The following ANK2 variants were observed in gnomAD, a reference collection of about 807,000 sequenced individuals.
ANK2 encodes the protein ankyrin-2.
Under a neutral mutation model 360.5 loss-of-function variants are expected in ANK2, and 83 were observed. That is an observed-to-expected ratio of 0.23 (90% CI 0.19 to 0.28). The LOEUF (loss-of-function observed/expected upper bound fraction) is 0.28, where lower values mean the gene tolerates loss of function less well. Among genes scored for constraint, ANK2 ranks in the 10% least tolerant of loss-of-function variants. ANK2 has a pLI of 1.00. For missense variants in ANK2, 4,201 were observed against 4,795.7 expected, an observed-to-expected ratio of 0.88 and a Z score of 3.66; for synonymous variants, 1,740 against 1,759.5, an observed-to-expected ratio of 0.99 and a Z score of 0.28.
At chr4:113,373,251 CA>C (rs1564183564) in intron 44 of ANK2, 33 bp from the exon 45 acceptor site, 1 of 1,613,594 alleles carries the variant, frequency 6.2e-7, no homozygotes, top group Admixed American at 1.7e-5. Context: ...TACTGTCACA[CA>C]AAAATAAGAT....
chr4:113,350,399 C>A, intron 37 of ANK2, 150 bp downstream of exon 37: 1 of 635,610 alleles, frequency 1.6e-6, no homozygotes, highest in South Asian at 2.7e-5. Flanking sequence ...TTTATAAAAG[C>A]AGCTTGGCCA....
At chr4:112,978,652 A>C (rs983755017) in intron 2 of ANK2, among the ~76,000 whole-genome samples, 5 of 152,118 alleles carry the variant, frequency 3.3e-5, no homozygotes, top group African/African-American at 1.2e-4. Context: ...ATGTATCTGA[A>C]TATCCTTCCT....
At chr4:113,261,943 C>T (rs2053151445) in intron 13 of ANK2, among the ~76,000 whole-genome samples, 1 of 152,136 alleles carries the variant, frequency 6.6e-6, no homozygotes, top group Non-Finnish European at 1.5e-5. Context: ...ATCCCAGCTA[C>T]TTGGGAGGCT....
At chr4:113,193,866 T>G (rs2098709605) in intron 2 of ANK2, among the ~76,000 whole-genome samples, 1 of 152,244 alleles carries the variant, frequency 6.6e-6, no homozygotes, top group Non-Finnish European at 1.5e-5. Context: ...CTCCAAAATA[T>G]TTACATTTTC....
intron 1 of ANK2, among the ~76,000 whole-genome samples, chr4:112,888,762 C>T (rs1307837537): frequency 6.6e-6 from 1 of 152,210 alleles, no homozygotes; most frequent in African/African-American, 2.4e-5. Flanking sequence ...CCACTGCCTA[C>T]AACATGACAA....
chr4:113,073,568 A>G (rs2078655366), intron 1 of ANK2, among the ~76,000 whole-genome samples: 1 of 152,180 alleles, frequency 6.6e-6, no homozygotes, highest in Admixed American at 6.5e-5. Context: ...GAACAAAGCA[A>G]GAAGAATGGC....
chr4:113,314,551 C>A (rs141624238), intron 24 of ANK2, among the ~76,000 whole-genome samples: 1 of 152,140 alleles, frequency 6.6e-6, no homozygotes, highest in Non-Finnish European at 1.5e-5. Flanking sequence ...AACTGAATAG[C>A]AGAACCATTG....
rs1367567892 is a variant in ANK2, at chr4:113,258,327, A to G, written c.1302A>G (p.Pro434=). 1.2e-6 allele frequency: 2 copies of G among 1,614,082 alleles called. No individual in the cohort carries two copies. The highest frequency in any genetic ancestry group is 2.2e-5 in the East Asian group (1 of 44,888). Residue 434 remains proline, a synonymous_variant, in exon 13 of 46, where the codon CCA becomes CCG. Transcript: ENST00000357077. ...IQAITESGLT[P]IHVAAFMGHL... is the part of the protein sequence containing the mutation. Reference sequence around the variant, plus strand: ...TTGTTTCGCAGTCTGGCCTCACACCAATACATGTGGCTGCCTTCATGGGCC... The same window carrying G: ...TTGTTTCGCAGTCTGGCCTCACACCGATACATGTGGCTGCCTTCATGGGCC...
chr4:112,899,701 A>G (rs77510016), intron 1 of ANK2, among the ~76,000 whole-genome samples: 11,546 of 152,218 alleles, frequency 0.076, 906 homozygotes, highest in East Asian at 0.31. Context: ...TCATCAATCC[A>G]TCCCTGTAGC....
chr4:112,841,302 T>C (rs2062028986), intron 1 of ANK2, among the ~76,000 whole-genome samples: 1 of 152,240 alleles, frequency 6.6e-6, no homozygotes, highest in Non-Finnish European at 1.5e-5. Flanking sequence ...TTTTAAAATT[T>C]TAATTGCAGA....
intron 36 of ANK2, among the ~76,000 whole-genome samples, chr4:113,348,978 G>A (rs563940192): frequency 6.6e-6 from 1 of 152,186 alleles, no homozygotes; most frequent in East Asian, 1.9e-4. Context: ...GAAGCATATA[G>A]CTGATTCCTT....
chr4:112,831,662 C>T (rs527581408), intron 1 of ANK2, among the ~76,000 whole-genome samples: 6 of 152,274 alleles, frequency 3.9e-5, no homozygotes, highest in Non-Finnish European at 5.9e-5. Flanking sequence ...AGCCAGCACT[C>T]CTCGGGTCCT....
At chr4:112,707,107 C>T in the ANK2 span, among the ~76,000 whole-genome samples, 10 of 152,078 alleles carry the variant, frequency 6.6e-5, no homozygotes, top group Non-Finnish European at 1.5e-4. Flanking sequence ...ACCTCTTTAC[C>T]GAAGAGAATT....
intron 2 of ANK2, among the ~76,000 whole-genome samples, chr4:113,017,452 G>A (rs1187400594): frequency 6.6e-6 from 1 of 151,828 alleles, no homozygotes; most frequent in African/African-American, 2.4e-5. Flanking sequence ...CAAGACTGAA[G>A]CCTCTACTTT....
rs751095004 is a variant in ANK2 at position 113,357,521 on chromosome 4, T to C, written c.8903T>C (p.Val2968Ala). The change falls in exon 38 of 46, where the codon GTT (valine) becomes GCT (alanine). Residue 2968 changes from valine (V) to alanine (A), a missense_variant. Transcript: ENST00000357077. ...EVYSVTITSP[V>A]EDVVVASSSS... ...TATTCTGTTACCATCACATCCCCTG[T>C]TGAAGACGTTGTAGTGGCAAGCTCC... The C allele has an allele frequency of 6.0e-5, 97 of 1,614,056 alleles. No homozygotes were observed. In the South Asian group the frequency reaches 1.0e-3, roughly 17 times the overall value.
chr4:113,325,213 G>T (rs1214456079), intron 26 of ANK2, among the ~76,000 whole-genome samples: 1 of 152,178 alleles, frequency 6.6e-6, no homozygotes, highest in Non-Finnish European at 1.5e-5. Flanking sequence ...TTAGTGCAGT[G>T]TGTGTACACA....
chr4:113,214,486 C>A lies in ANK2; in HGVS notation c.384+15377C>A. The A allele has an allele frequency of 6.3e-6, 4 of 639,552 alleles. 1 individual carries two copies. Among genetic ancestry groups the A allele is most frequent in the Non-Finnish European group, 1.1e-5 (4 of 361,622 alleles). The allele number at this position is 639,552 out of a possible 1,614,324, so 39.6% of individuals were successfully genotyped here. A position where few individuals can be genotyped will look rare whatever the true frequency, so the allele number is the denominator to read the frequency against. Reference sequence around the variant, plus strand: ...AAACAATCTGGAAAAATCTACAAATCAATTAATAAAATATTTATTACATTC... The same window carrying A: ...AAACAATCTGGAAAAATCTACAAATAAATTAATAAAATATTTATTACATTC... On this transcript the variant is annotated intron_variant, in intron 4 of 45. Transcript: ENST00000357077.
At chr4:112,964,717 C>T (rs1448801404) in intron 2 of ANK2, among the ~76,000 whole-genome samples, 2 of 151,846 alleles carry the variant, frequency 1.3e-5, no homozygotes, top group Non-Finnish European at 2.9e-5. Flanking sequence ...CTACAGGCGC[C>T]CGCCACCACG....
At chr4:112,725,162 G>A in the ANK2 span, among the ~76,000 whole-genome samples, 1 of 150,618 alleles carries the variant, frequency 6.6e-6, no homozygotes, top group Admixed American at 6.6e-5. Context: ...GGCGCCTGTA[G>A]TTCCAGCTAC....
Sources: gnomAD v4.1 joint callset for allele counts (sites outside exome capture counted in the v4.1 genomes callset) on GRCh38, gnomAD v4.1.1 for gene constraint, MANE v1.5 for transcripts, NCBI Gene and HGNC (gene_info 2026-07-23, HGNC 2026-07-21) for gene names.